NELL1: variants seen among roughly 807,000 people sequenced by gnomAD.
NELL1 encodes the protein protein kinase C-binding protein NELL1.
A neutral mutation model predicts 107.4 loss-of-function variants in NELL1; 76 were observed. The ratio of observed to expected loss-of-function variants is 0.71; its 90% CI spans 0.59 to 0.86. The LOEUF is 0.86. Among genes scored for constraint, NELL1 ranks in the 40% least tolerant of loss-of-function variants. The probability of loss-of-function intolerance (pLI) is 0.00; values close to 1 mark genes in which losing one functional copy is unlikely to be tolerated. For missense variants in NELL1, 1,024 were observed against 1,005.5 expected (o/e 1.02, Z -0.25); for synonymous variants, 353 against 341.2 (o/e 1.03, Z -0.38).
chr11:21,539,855 T>C (rs755596698), intron 16 of NELL1, among the ~76,000 whole-genome samples: 10 of 151,720 alleles, frequency 6.6e-5, no homozygotes, highest in Non-Finnish European at 1.5e-4. Flanking sequence ...TTTAGGGCCA[T>C]TTAGCCCATT....
At chr11:21,081,698 A>G (rs1854273227) in intron 12 of NELL1, among the ~76,000 whole-genome samples, 1 of 152,054 alleles carries the variant, frequency 6.6e-6, no homozygotes, top group Admixed American at 6.6e-5. Context: ...CCATGTTCAA[A>G]CTGCTATGAT....
chr11:21,518,294 G>C (rs537362738), intron 15 of NELL1, among the ~76,000 whole-genome samples: 2 of 152,182 alleles, frequency 1.3e-5, no homozygotes, highest in Admixed American at 1.3e-4. Flanking sequence ...TTCTCTGGGT[G>C]TAATCAGATG....
intron 4 of NELL1, among the ~76,000 whole-genome samples, chr11:20,873,158 GC>G (rs1285130766): frequency 6.6e-6 from 1 of 152,180 alleles, no homozygotes; most frequent in Non-Finnish European, 1.5e-5. Context: ...GAGGCAGCCA[GC>G]CTGGGGTATA....
chr11:20,887,384 A>G (rs1359979459), intron 5 of NELL1, among the ~76,000 whole-genome samples: 1 of 152,146 alleles, frequency 6.6e-6, no homozygotes, highest in Non-Finnish European at 1.5e-5. Flanking sequence ...TGGGTTGTAT[A>G]TTAAGTGTAT....
chr11:20,838,535 CTT>C (rs1281482162), intron 3 of NELL1, among the ~76,000 whole-genome samples: 1 of 151,822 alleles, frequency 6.6e-6, no homozygotes. Context: ...TCATAAAAAA[CTT>C]TGTACAAATA....
At chr11:20,953,079 T>C (rs1851100353) in intron 11 of NELL1, among the ~76,000 whole-genome samples, 2 of 152,208 alleles carry the variant, frequency 1.3e-5, no homozygotes, top group South Asian at 4.1e-4. Context: ...CATATCCTTC[T>C]TAACCAGTCC....
chr11:20,869,623 A>T (rs767878199), intron 4 of NELL1, among the ~76,000 whole-genome samples: 1 of 152,224 alleles, frequency 6.6e-6, no homozygotes, highest in African/African-American at 2.4e-5. Flanking sequence ...TTGTGACATG[A>T]GCTGCTTTAG....
intron 2 of NELL1, among the ~76,000 whole-genome samples, chr11:20,718,148 TG>T (rs1299354803): frequency 1.3e-5 from 2 of 152,324 alleles, no homozygotes; most frequent in African/African-American, 4.8e-5. Flanking sequence ...AAAATGAAAT[TG>T]GTTATTCCAG....
intron 15 of NELL1, among the ~76,000 whole-genome samples, chr11:21,478,619 C>T (rs1374023038): frequency 6.6e-6 from 1 of 150,578 alleles, no homozygotes; most frequent in African/African-American, 2.5e-5. Flanking sequence ...TTGGCCTGGG[C>T]AAAGATTTCT....
At chr11:20,955,242 C>G (rs925255560) in intron 11 of NELL1, among the ~76,000 whole-genome samples, 10 of 152,168 alleles carry the variant, frequency 6.6e-5, no homozygotes, top group Admixed American at 1.3e-4. Context: ...GATTTCCAGC[C>G]AGTTAGACTC....
chr11:21,145,261 G>A (rs1158550359), intron 13 of NELL1, among the ~76,000 whole-genome samples: 1 of 152,138 alleles, frequency 6.6e-6, no homozygotes, highest in African/African-American at 2.4e-5. Flanking sequence ...GAGAAATTAA[G>A]ACTTAGGTTA....
intron 4 of NELL1, among the ~76,000 whole-genome samples, chr11:20,860,729 G>A (rs1024387544): frequency 1.3e-5 from 2 of 152,138 alleles, no homozygotes; most frequent in Non-Finnish European, 2.9e-5. Flanking sequence ...TGATTTCCTG[G>A]TCTGATTAAC....
At chr11:20,704,643 C>T (rs1382568078) in intron 2 of NELL1, among the ~76,000 whole-genome samples, 1 of 152,080 alleles carries the variant, frequency 6.6e-6, no homozygotes, top group Non-Finnish European at 1.5e-5. Flanking sequence ...TGGCTGGTAC[C>T]AGTTGTTCCT....
chr11:21,005,634 C>T (rs1306975874), intron 12 of NELL1, among the ~76,000 whole-genome samples: 4 of 152,180 alleles, frequency 2.6e-5, no homozygotes, highest in African/African-American at 7.2e-5. Context: ...ATTAACAACA[C>T]AGTTTTGCAG....
chr11:21,037,653 C>T (rs776977256), intron 12 of NELL1, among the ~76,000 whole-genome samples: 3 of 152,094 alleles, frequency 2.0e-5, no homozygotes, highest in Non-Finnish European at 4.4e-5. Flanking sequence ...AAACAGTCAT[C>T]GAAACCTGGT....
At chr11:21,229,500 TG>T in intron 14 of NELL1, 46 bp downstream of exon 14, 1 of 1,610,838 alleles carries the variant, frequency 6.2e-7, no homozygotes, top group Non-Finnish European at 8.5e-7. Flanking sequence ...CCATTCTGCC[TG>T]GGCTCTTGGC....
intron 13 of NELL1, among the ~76,000 whole-genome samples, chr11:21,120,697 A>G (rs1855347715): frequency 6.6e-6 from 1 of 152,196 alleles, no homozygotes; most frequent in Non-Finnish European, 1.5e-5. Context: ...AATGCTTTAT[A>G]GAATGCAAAG....
chr11:21,522,492 G>A (rs1187289260), intron 15 of NELL1, among the ~76,000 whole-genome samples: 1 of 152,190 alleles, frequency 6.6e-6, no homozygotes, highest in African/African-American at 2.4e-5. Flanking sequence ...GTTCTCACTT[G>A]TAAGTGGGAG....
chr11:21,255,196 G>A (rs1858739505), intron 14 of NELL1, among the ~76,000 whole-genome samples: 1 of 152,064 alleles, frequency 6.6e-6, no homozygotes, highest in African/African-American at 2.4e-5. Context: ...TTAAGCTGAG[G>A]TTGACATTTA....
Sources: allele counts gnomAD v4.1 joint callset (sites outside exome capture counted in the v4.1 genomes callset), GRCh38; gene constraint gnomAD v4.1.1; transcripts MANE v1.5; gene names NCBI Gene and HGNC (gene_info 2026-07-23, HGNC 2026-07-21).